The following IGLL5 variants were observed in gnomAD, a reference collection of about 807,000 sequenced individuals.
The protein encoded by IGLL5 is immunoglobulin lambda-like polypeptide 5.
Under a neutral mutation model 20.9 loss-of-function variants are expected in IGLL5, and 30 were observed. The observed-to-expected ratio is 1.44, with a 90% CI of 1.07 to 1.95. IGLL5 has a LOEUF of 1.95. IGLL5 is among the 30% of genes most tolerant of loss of function. The pLI is 0.00. For synonymous variants in IGLL5, 203 were observed against 117.3 expected (o/e 1.73, Z -4.72); for missense variants, 475 against 270.7 (o/e 1.75, Z -5.30).
rs2067556118 is a variant in IGLL5 at position 22,887,983 on chromosome 22, G to T, written c.-71G>T. ...CTGTAACAGCCCTGCTGGCGAGAGG[G>T]ACCAGGGCACCGTCCTCCAGGGAGC... is the stretch of plus-strand genomic sequence containing the variant. On this transcript the variant is annotated 5_prime_UTR_variant, in exon 1 of 3. Coordinates refer to ENST00000526893, the MANE Select transcript of IGLL5 (RefSeq NM_001178126.2). The T allele has an allele frequency of 8.0e-7, 1 of 1,243,418 alleles. No homozygotes were observed. Among genetic ancestry groups the T allele is most frequent in the Admixed American group, 2.0e-5 (1 of 50,400 alleles). The allele number at this position is 1,243,418 out of a possible 1,614,324, so 77.0% of individuals were successfully genotyped here. A position where few individuals can be genotyped will look rare whatever the true frequency, so the allele number is the denominator to read the frequency against.
At chr22:22,893,959 A>T (rs2067956611) in intron 2 of IGLL5, 141 bp downstream of exon 2, 3 of 699,238 alleles carry the variant, frequency 4.3e-6, no homozygotes, top group South Asian at 1.6e-5. Flanking sequence ...GGCCTGGAGG[A>T]GGTGCATTAG....
intron 2 of IGLL5, among the ~76,000 whole-genome samples, chr22:22,894,129 C>CA: frequency 6.6e-6 from 1 of 151,472 alleles, no homozygotes; most frequent in African/African-American, 2.4e-5. Flanking sequence ...AGGGGCCCTG[C>CA]AGTGTCCTTA....
rs559398380 is a variant in IGLL5, at chr22:22,894,098, G to A, written c.325+280G>A. Among the ~76,000 whole-genome samples, 14 of 151,460 alleles carry A rather than the reference G, an allele frequency of 9.2e-5. 1 individual carries two copies. The highest frequency in any genetic ancestry group is 7.6e-3 in the Middle Eastern group (2 of 264). ...CTTCCAGGGCAGATGTCTGAGTGAG[G>A]GACAGAGGCTGGTTCTGATGAGGGG... On this transcript the variant is annotated intron_variant, in intron 2 of 2. Coordinates refer to ENST00000526893, the MANE Select transcript of IGLL5 (RefSeq NM_001178126.2).
intron 2 of IGLL5, among the ~76,000 whole-genome samples, chr22:22,894,201 TGC>T (rs2067998293): frequency 6.6e-6 from 1 of 151,302 alleles, no homozygotes; most frequent in Admixed American, 6.6e-5. Flanking sequence ...GCCTGGGAGC[TGC>T]TGAGTCTCAT....
intron 1 of IGLL5, among the ~76,000 whole-genome samples, chr22:22,889,283 C>G (rs2067703845): frequency 6.6e-6 from 1 of 150,916 alleles, no homozygotes; most frequent in Admixed American, 6.6e-5. Context: ...GAAATGGGAG[C>G]ATGAAGTTGA....
Position 22,887,941 on chromosome 22 carries a change from C to T in IGLL5, c.-113C>T, listed in dbSNP as rs576564950. ...AGCCAGTCCAGGGAGAGGACAGAGC[C>T]AATGGACTGGGGTGTACTGTAACAG... On this transcript the variant is annotated 5_prime_UTR_variant, in exon 1 of 3. Coordinates refer to ENST00000526893, the MANE Select transcript of IGLL5 (RefSeq NM_001178126.2). 3 of 847,362 alleles carry T rather than the reference C, an allele frequency of 3.5e-6. No individual in the cohort carries two copies. The highest frequency in any genetic ancestry group is 1.7e-5 in the African/African-American group (1 of 59,406). 52.5% of individuals were successfully genotyped at this position (847,362 alleles called of 1,614,324 possible).
intron 2 of IGLL5, 22 bp downstream of exon 2, chr22:22,893,840 C>T (rs760673007): frequency 4.7e-6 from 7 of 1,479,426 alleles, no homozygotes; most frequent in African/African-American, 2.8e-5. Flanking sequence ...TCAACCTTTC[C>T]CAGCCTGTCT....
intron 1 of IGLL5, 60 bp downstream of exon 1, chr22:22,888,319 A>T (rs570692561): frequency 2.7e-6 from 4 of 1,494,792 alleles, no homozygotes; most frequent in East Asian, 2.5e-5. Flanking sequence ...GGAAAGGGTG[A>T]CCAAGGGGAG....
intron 2 of IGLL5, among the ~76,000 whole-genome samples, chr22:22,894,385 G>A (rs142562054): frequency 4.6e-5 from 7 of 151,482 alleles, no homozygotes; most frequent in Admixed American, 1.3e-4. Context: ...GCCTGTGCTG[G>A]GTCATGAGGA....
At chr22:22,889,138 T>C (rs1385221421) in intron 1 of IGLL5, among the ~76,000 whole-genome samples, 5 of 151,080 alleles carry the variant, frequency 3.3e-5, no homozygotes, top group South Asian at 2.1e-4. Context: ...TGGAGGCTGA[T>C]GCGACGCCCG....
chr22:22,889,248 A>G (rs2067700664), intron 1 of IGLL5, among the ~76,000 whole-genome samples: 1 of 151,122 alleles, frequency 6.6e-6, no homozygotes, highest in East Asian at 2.0e-4. Flanking sequence ...TCAGATTCAG[A>G]GCACCCAGGG....
At chr22:22,893,923 GCACTGA>G in intron 2 of IGLL5, 105 bp downstream of exon 2, 1 of 828,178 alleles carries the variant, frequency 1.2e-6, no homozygotes, top group East Asian at 2.5e-5. Context: ...CCAGCCTTAA[GCACTGA>G]CCCTTACCTT....
chr22:22,893,973 C>G (rs2067959212), intron 2 of IGLL5, among the ~76,000 whole-genome samples, 155 bp downstream of exon 2: 2 of 151,516 alleles, frequency 1.3e-5, no homozygotes, highest in East Asian at 2.0e-4. Context: ...GCATTAGTCT[C>G]CGGGTAACCG....
chr22:22,888,614 G>A, intron 1 of IGLL5, among the ~76,000 whole-genome samples: 1 of 151,342 alleles, frequency 6.6e-6, no homozygotes. Flanking sequence ...CCCACAGGGT[G>A]CCCAGGCCTG....
intron 1 of IGLL5, among the ~76,000 whole-genome samples, chr22:22,890,723 A>G (rs2067816987): frequency 6.6e-6 from 1 of 150,884 alleles, no homozygotes; most frequent in African/African-American, 2.4e-5. Flanking sequence ...GTGTCCACTC[A>G]CTCCGGTGAA....
intron 1 of IGLL5, among the ~76,000 whole-genome samples, chr22:22,889,098 T>A (rs145130612): frequency 2.6e-5 from 4 of 151,094 alleles, no homozygotes; most frequent in African/African-American, 7.3e-5. Flanking sequence ...CAGAGTCAGA[T>A]TTGTGTTTTT....
intron 2 of IGLL5, among the ~76,000 whole-genome samples, 185 bp downstream of exon 2, chr22:22,894,003 TG>T (rs2067965734): frequency 1.3e-5 from 2 of 149,874 alleles, no homozygotes; most frequent in African/African-American, 5.0e-5. Flanking sequence ...GCCTCCACAG[TG>T]GGAGCAGCCG....
chr22:22,894,337 G>T (rs145143981), intron 2 of IGLL5, among the ~76,000 whole-genome samples: 2 of 151,464 alleles, frequency 1.3e-5, no homozygotes, highest in South Asian at 2.1e-4. Context: ...CCAATGGAGG[G>T]CACAGAGAGG....
rs1601620076 is a variant in IGLL5, at chr22:22,893,695, A to G, written c.207-5A>G. On this transcript the variant is annotated splice_region_variant and splice_polypyrimidine_tract_variant and intron_variant, in intron 1 of 2. Transcript: ENST00000526893. The stretch of plus-strand genomic sequence containing the variant: ...CTGCAACCCTGTGCCCGTCATGCCC[A>G]GCAGGCTCCTGCTCCAGCCCAGCCC... 1 of 1,596,702 alleles carries G rather than the reference A, an allele frequency of 6.3e-7. No homozygotes were observed.
Sources: allele counts gnomAD v4.1 joint callset (sites outside exome capture counted in the v4.1 genomes callset), GRCh38; gene constraint gnomAD v4.1.1; transcripts MANE v1.5; gene names NCBI Gene and HGNC (gene_info 2026-07-23, HGNC 2026-07-21).